Variants in ANTXR2 observed in about 807,000 individuals in gnomAD.
ANTXR2 encodes anthrax toxin receptor 2.
In ANTXR2, 44 loss-of-function variants were observed where a neutral mutation model predicts 73.7. The observed-to-expected ratio is 0.60, with a 90% CI of 0.47 to 0.77. The LOEUF (loss-of-function observed/expected upper bound fraction) is 0.77, where lower values mean the gene tolerates loss of function less well. Among genes scored for constraint, ANTXR2 ranks in the 30% least tolerant of loss-of-function variants. ANTXR2 has a pLI of 0.00. For synonymous variants in ANTXR2, 217 were observed against 205.9 expected (o/e 1.05, Z -0.46); for missense variants, 604 against 592.5 (o/e 1.02, Z -0.20).
intron 12 of ANTXR2, among the ~76,000 whole-genome samples, chr4:79,995,088 A>G (rs1378800008): frequency 6.6e-6 from 1 of 152,086 alleles, no homozygotes; most frequent in East Asian, 1.9e-4. Context: ...TCTAGAAGAC[A>G]TAAAACTTTT....
At position 79,902,157 on chromosome 4, in the gene ANTXR2, T is replaced by TAA. The variant is rs1726732012; in HGVS notation, c.*5270_*5271dup. ...TCACCCACTGACATTTACAATGTTG[T>TAA]AAATATAATTCATCTAAGATACAAA... On this transcript the variant is annotated 3_prime_UTR_variant, in exon 17 of 17. Coordinates refer to ENST00000403729, the MANE Select transcript of ANTXR2 (RefSeq NM_058172.6). The TAA allele has an allele frequency of 1.1e-4, 16 of 152,288 alleles. No individual in the cohort carries two copies. Among genetic ancestry groups the TAA allele is most frequent in the Non-Finnish European group, 2.1e-4 (14 of 68,006 alleles). The allele number at this position is 152,288 out of a possible 1,614,324, so 9.4% of individuals were successfully genotyped here.
intron 16 of ANTXR2, chr4:79,964,903 C>G (rs1414890148): frequency 6.6e-6 from 1 of 152,264 alleles, no homozygotes; most frequent in Non-Finnish European, 1.5e-5. Context: ...AGCCCGGGCC[C>G]GGCGTGCGGC....
intron 16 of ANTXR2, among the ~76,000 whole-genome samples, chr4:79,919,759 G>A (rs186492396): frequency 2.0e-5 from 3 of 149,912 alleles, no homozygotes; most frequent in Middle Eastern, 3.4e-3. Context: ...GCCTATTGTG[G>A]GACCTCACCT....
chr4:79,951,625 C>T (rs1411351421), intron 16 of ANTXR2, among the ~76,000 whole-genome samples: 1 of 151,612 alleles, frequency 6.6e-6, no homozygotes. Flanking sequence ...AACAACCAAA[C>T]GGGACTTAGA....
chr4:80,023,864 T>C (rs755637318), intron 10 of ANTXR2, among the ~76,000 whole-genome samples: 9 of 152,230 alleles, frequency 5.9e-5, no homozygotes, highest in East Asian at 5.8e-4. Flanking sequence ...GAAAAGATCA[T>C]TGAGTCCCTG....
intron 12 of ANTXR2, among the ~76,000 whole-genome samples, chr4:80,007,051 C>T (rs1731335136): frequency 6.6e-6 from 1 of 152,042 alleles, no homozygotes. Context: ...ATTAGTTCAG[C>T]AAAGAGACAG....
At position 79,907,465 on chromosome 4, in the gene ANTXR2, G is replaced by T; in HGVS notation, c.1431C>A (p.Gly477=). The change falls in exon 17 of 17, where the codon GGC becomes GGA. Residue 477 remains glycine (G), a splice_region_variant and synonymous_variant. Coordinates refer to ENST00000403729, the MANE Select transcript of ANTXR2 (RefSeq NM_058172.6). ...SLMRPQEGDE[G]RCINFSRVPS... ...GAACTCGGGAGAAGTTTATGCACCG[G>T]CCCTGAAGAAAGAAATAAATCCATA... 6.2e-7 allele frequency: 1 copy of T among 1,612,362 alleles called. No individual in the cohort carries two copies. The highest frequency in any genetic ancestry group is 8.5e-7 in the Non-Finnish European group (1 of 1,178,980).
At chr4:80,037,673 G>T (rs1295219856) in intron 7 of ANTXR2, among the ~76,000 whole-genome samples, 1 of 152,038 alleles carries the variant, frequency 6.6e-6, no homozygotes, top group African/African-American at 2.4e-5. Context: ...CTTGTTAAAG[G>T]TTAATGTGCC....
In ANTXR2 at chr4:80,031,684, G is replaced by T. The variant is rs755164775; in HGVS notation, c.805C>A (p.Pro269Thr). 7.4e-6 allele frequency: 11 copies of T among 1,491,136 alleles called. No homozygotes were observed. The African/African-American group carries it at 1.0e-4, about 14-fold the overall frequency. The allele number at this position is 1,491,136 out of a possible 1,614,324, so 92.4% of individuals were successfully genotyped here. A position where few individuals can be genotyped will look rare whatever the true frequency, so the allele number is the denominator to read the frequency against. ...ATAGAATTAAGCTGTACACTTACTG[G>T]TTTTACACCTAGAAAATAAAATGCC... ...VNETYTTSVK[P>T]VSVQLNSMLC... Residue 269 changes from proline to threonine, a missense_variant, in exon 10 of 17, where the codon CCA becomes ACA. Coordinates refer to ENST00000403729, the MANE Select transcript of ANTXR2 (RefSeq NM_058172.6).
At position 80,004,364 on chromosome 4, in the gene ANTXR2, T is replaced by C. The variant is rs558482249; in HGVS notation, c.1041+4157A>G. ...TAATATAGGTTTCTTCTTGCTGCTA[T>C]AACAAATTATCATACACTTAGTGTC... is the stretch of plus-strand genomic sequence containing the variant. On this transcript the variant is annotated intron_variant, in intron 12 of 16. Transcript: ENST00000403729. Among the ~76,000 whole-genome samples the C allele has an allele frequency of 3.3e-5, 5 of 152,224 alleles. No homozygotes were observed. In the East Asian group the frequency reaches 5.8e-4, roughly 18 times the overall value.
At chr4:79,982,499 T>C (rs1729934073) in intron 14 of ANTXR2, among the ~76,000 whole-genome samples, 2 of 152,300 alleles carry the variant, frequency 1.3e-5, no homozygotes, top group African/African-American at 4.8e-5. Flanking sequence ...GTTTTATACA[T>C]ATAGGAACAT....
At chr4:79,945,932 TGTAAAATG>T (rs1351167763) in intron 16 of ANTXR2, among the ~76,000 whole-genome samples, 1 of 152,094 alleles carries the variant, frequency 6.6e-6, no homozygotes, top group Non-Finnish European at 1.5e-5. Flanking sequence ...AAGTAGAAGA[TGTAAAATG>T]GTAAAATGTA....
chr4:80,060,782 T>G (rs4690113), intron 3 of ANTXR2, among the ~76,000 whole-genome samples: 95,270 of 152,026 alleles, frequency 0.63, 30,621 homozygotes, highest in East Asian at 0.95. Context: ...GTTGTTTCAG[T>G]CATCAACTGG....
At chr4:79,985,662 A>G (rs1233326453) in intron 12 of ANTXR2, among the ~76,000 whole-genome samples, 1 of 152,050 alleles carries the variant, frequency 6.6e-6, no homozygotes, top group Non-Finnish European at 1.5e-5. Flanking sequence ...AAGCTTCCAG[A>G]TGACTCCGGC....
chr4:80,062,252 A>T (rs1734296927), intron 3 of ANTXR2, among the ~76,000 whole-genome samples: 1 of 152,132 alleles, frequency 6.6e-6, no homozygotes, highest in African/African-American at 2.4e-5. Flanking sequence ...TTTGTCAAAA[A>T]TATTCTCCAA....
At chr4:79,948,779 G>A (rs1436043359) in intron 16 of ANTXR2, among the ~76,000 whole-genome samples, 1 of 152,056 alleles carries the variant, frequency 6.6e-6, no homozygotes, top group Non-Finnish European at 1.5e-5. Flanking sequence ...GGAGGAGGAA[G>A]GAAAGGAGGA....
chr4:80,026,193 G>A (rs1385425253), intron 10 of ANTXR2, among the ~76,000 whole-genome samples: 5 of 152,076 alleles, frequency 3.3e-5, no homozygotes, highest in Non-Finnish European at 7.4e-5. Flanking sequence ...TGGGTTATGG[G>A]GATGGTTTCC....
intron 16 of ANTXR2, among the ~76,000 whole-genome samples, chr4:79,928,623 T>C (rs978895866): frequency 4.6e-5 from 7 of 152,140 alleles, no homozygotes; most frequent in African/African-American, 1.7e-4. Context: ...ATTCCAGATA[T>C]ATACAAATTT....
intron 1 of ANTXR2, 142 bp downstream of exon 1, chr4:80,072,266 CT>C: frequency 1.0e-6 from 1 of 973,536 alleles, no homozygotes; most frequent in Non-Finnish European, 1.4e-6. Context: ...CGCGCTTGCC[CT>C]TTGAAAGAAG....
Sources: allele counts gnomAD v4.1 joint callset (sites outside exome capture counted in the v4.1 genomes callset), GRCh38; gene constraint gnomAD v4.1.1; transcripts MANE v1.5; gene names NCBI Gene and HGNC (gene_info 2026-07-23, HGNC 2026-07-21).